CLCN6: variants seen among roughly 807,000 people sequenced by gnomAD.
CLCN6 encodes the protein Cl-/H+ antiporter 6, also known as H(+)/Cl(-) exchange transporter 6.
In CLCN6, 70 loss-of-function variants were observed where a neutral mutation model predicts 109.8. The ratio of observed to expected loss-of-function variants is 0.64; its 90% CI spans 0.53 to 0.78. The LOEUF (loss-of-function observed/expected upper bound fraction) is 0.78, where lower values mean the gene tolerates loss of function less well. Ranked by LOEUF, CLCN6 falls within the 30% of genes least tolerant of loss-of-function variation. CLCN6 has a pLI of 0.00. For synonymous variants in CLCN6, 444 were observed against 447.8 expected (o/e 0.99, Z 0.11); for missense variants, 984 against 1,142.3 (o/e 0.86, Z 2.00).
At position 11,840,207 on chromosome 1, in the gene CLCN6, A is replaced by G; in HGVS notation, c.2594A>G (p.His865Arg). 2 of 1,613,216 alleles carry G rather than the reference A, an allele frequency of 1.2e-6. No individual in the cohort carries two copies. The highest frequency in any genetic ancestry group is 1.7e-6 in the Non-Finnish European group (2 of 1,180,004). ...TTTCTGCAGGCCCGGCTGAGGCAGC[A>G]CTACCAGACCATCTGACAGCCCAGC... is the stretch of plus-strand genomic sequence containing the variant. ...YEFLQARLRQHYQTI is the reference protein window; with the variant it reads ...YEFLQARLRQRYQTI The change falls in exon 23 of 23, where the codon CAC (histidine) becomes CGC (arginine). Residue 865 changes from histidine to arginine, a missense_variant. By Grantham distance (29) the His-to-Arg change is conservative. Coordinates refer to ENST00000346436, the MANE Select transcript of CLCN6 (RefSeq NM_001286.5).
chr1:11,830,540 C>A (rs1457811413), intron 13 of CLCN6, among the ~76,000 whole-genome samples: 1 of 151,556 alleles, frequency 6.6e-6, no homozygotes, highest in South Asian at 2.1e-4. Context: ...CAAATATACA[C>A]CATTTTATAT....
Position 11,834,710 on chromosome 1 carries a change from C to T in CLCN6, c.1793+120C>T, listed in dbSNP as rs549179345. 1.9e-5 allele frequency: 16 copies of T among 856,226 alleles called. No individual in the cohort carries two copies. The African/African-American group carries it at 2.5e-4, about 13-fold the overall frequency. 53.0% of individuals were successfully genotyped at this position (856,226 alleles called of 1,614,324 possible). A position where few individuals can be genotyped will look rare whatever the true frequency, so the allele number is the denominator to read the frequency against. On this transcript the variant is annotated intron_variant, in intron 17 of 22. Transcript: ENST00000346436. The surrounding 1 kb of genome is among the most constrained non-coding windows in gnomAD (Gnocchi z 4.5). Reference sequence around the variant, plus strand: ...TTTTCTTGGGCTGAAAGAAGCAACACACCCATTCCTGAGCATGTGTGAGAA... The same window carrying T: ...TTTTCTTGGGCTGAAAGAAGCAACATACCCATTCCTGAGCATGTGTGAGAA...
Position 11,820,502 on chromosome 1 carries a change from C to T in CLCN6, c.346+948C>T. The T allele has an allele frequency of 8.0e-6, 5 of 626,730 alleles. No individual in the cohort carries two copies. The East Asian group carries it at 1.4e-4, about 18-fold the overall frequency. 38.8% of individuals were successfully genotyped at this position (626,730 alleles called of 1,614,324 possible). A position where few individuals can be genotyped will look rare whatever the true frequency, so the allele number is the denominator to read the frequency against. Reference sequence around the variant, plus strand: ...ATCAATGGGGCCGGACACAGTGGCTCACGCCTGTAATCCCAGCATTTTGGG... The same window carrying T: ...ATCAATGGGGCCGGACACAGTGGCTTACGCCTGTAATCCCAGCATTTTGGG... On this transcript the variant is annotated intron_variant, in intron 5 of 22. Coordinates refer to ENST00000346436, the MANE Select transcript of CLCN6 (RefSeq NM_001286.5).
intron 2 of CLCN6, among the ~76,000 whole-genome samples, chr1:11,814,899 G>A (rs1470037408): frequency 6.6e-6 from 1 of 152,044 alleles, no homozygotes; most frequent in Non-Finnish European, 1.5e-5. Flanking sequence ...CGGGCGTGTT[G>A]GCAGGCGCCT....
chr1:11,821,143 A>G (rs1165456281), intron 5 of CLCN6, among the ~76,000 whole-genome samples: 1 of 152,150 alleles, frequency 6.6e-6, no homozygotes, highest in African/African-American at 2.4e-5. Context: ...TACATATTGT[A>G]TTTATAAAGA....
chr1:11,832,537 G>A (rs866952671), intron 13 of CLCN6, among the ~76,000 whole-genome samples: 1 of 152,254 alleles, frequency 6.6e-6, no homozygotes, highest in African/African-American at 2.4e-5. Context: ...GGTGCTGCCA[G>A]TCAGCAGTGC....
intron 13 of CLCN6, 83 bp from the exon 14 acceptor site, chr1:11,833,431 TG>T: frequency 7.1e-7 from 1 of 1,403,772 alleles, no homozygotes; most frequent in African/African-American, 1.4e-5. Context: ...TGCAGCCACC[TG>T]TTTTGGACCC....
chr1:11,834,568 G>A lies in CLCN6; in HGVS notation c.1771G>A (p.Glu591Lys), dbSNP rs1320664581. Residue 591 changes from glutamate to lysine, a missense_variant, in exon 17 of 23, where the codon GAG becomes AAG. Transcript: ENST00000346436. The surrounding 1 kb of genome is among the most constrained non-coding windows in gnomAD (Gnocchi z 4.5). Reference protein sequence around the residue: ...GLRGVPLLEWETEVEMDKLRA... With the variant: ...GLRGVPLLEWKTEVEMDKLRA... ...GCGAGGCGTGCCGCTTCTGGAATGG[G>A]AGACAGAGGTGGAAATGGACAAGTA... is the stretch of plus-strand genomic sequence containing the variant. 3 of 1,614,116 alleles carry A rather than the reference G, an allele frequency of 1.9e-6. No individual in the cohort carries two copies. Among genetic ancestry groups the A allele is most frequent in the Admixed American group, 3.3e-5 (2 of 60,026 alleles).
chr1:11,840,177 A>ATGAAT lies in CLCN6; in HGVS notation c.2566_2570dup (p.Phe857LeufsTer8). 1 of 1,613,894 alleles carries ATGAAT rather than the reference A, an allele frequency of 6.2e-7. No individual in the cohort carries two copies. The highest frequency in any genetic ancestry group is 8.5e-7 in the Non-Finnish European group (1 of 1,180,030). The stretch of plus-strand genomic sequence containing the variant: ...ATCATCACACGGCACAACCTCACCT[A>ATGAAT]TGAATTTCTGCAGGCCCGGCTGAGG... On this transcript the variant is annotated frameshift_variant, in exon 23 of 23. Coordinates refer to ENST00000346436, the MANE Select transcript of CLCN6 (RefSeq NM_001286.5). LOFTEE classifies it high-confidence loss of function.
chr1:11,819,411 C>T (rs78366115), intron 4 of CLCN6, 77 bp from the exon 5 acceptor site: 63,722 of 1,355,420 alleles, frequency 0.047, 1,722 homozygotes, highest in Middle Eastern at 0.11. Flanking sequence ...GAGATGCCTT[C>T]AAGAGGAGCA....
intron 22 of CLCN6, 103 bp from the exon 23 acceptor site, chr1:11,840,040 G>A: frequency 1.1e-6 from 1 of 919,684 alleles, no homozygotes; most frequent in Non-Finnish European, 1.8e-6. Flanking sequence ...CACTATCCAG[G>A]CCTCCACATT....
Position 11,836,105 on chromosome 1 carries a change from G to A in CLCN6, c.1932G>A (p.Lys644=), listed in dbSNP as rs1418518174. The part of the protein sequence containing the change: ...PVVTENRGNE[K]EFMKGNQLIS... Reference sequence around the variant, plus strand: ...TCACAGAGAACCGCGGTAACGAGAAGGAGTTCATGAAGGGCAACCAGCTCA... The same window carrying A: ...TCACAGAGAACCGCGGTAACGAGAAAGAGTTCATGAAGGGCAACCAGCTCA... The change falls in exon 18 of 23, where the codon AAG becomes AAA. Residue 644 remains lysine, a synonymous_variant. Coordinates refer to ENST00000346436, the MANE Select transcript of CLCN6 (RefSeq NM_001286.5). 1.2e-6 allele frequency: 2 copies of A among 1,613,764 alleles called. No homozygotes were observed. Among genetic ancestry groups the A allele is most frequent in the Non-Finnish European group, 1.7e-6 (2 of 1,179,956 alleles).
intron 5 of CLCN6, among the ~76,000 whole-genome samples, chr1:11,821,051 G>GGGCA (rs1381462408): frequency 4.0e-5 from 6 of 150,284 alleles, no homozygotes; most frequent in East Asian, 1.9e-4. Context: ...ACTCCAGCCT[G>GGGCA]GGCAATGAGA....
chr1:11,842,898 C>CTGCAGTATTGATG lies in CLCN6; in HGVS notation c.*2686_*2698dup, dbSNP rs1553122599. The CTGCAGTATTGATG allele has an allele frequency of 1.3e-5, 2 of 152,282 alleles. No individual in the cohort carries two copies. The highest frequency in any genetic ancestry group is 2.9e-5 in the Non-Finnish European group (2 of 68,070). 9.4% of individuals were successfully genotyped at this position (152,282 alleles called of 1,614,324 possible). A position where few individuals can be genotyped will look rare whatever the true frequency, so the allele number is the denominator to read the frequency against. On this transcript the variant is annotated 3_prime_UTR_variant, in exon 23 of 23. Coordinates refer to ENST00000346436, the MANE Select transcript of CLCN6 (RefSeq NM_001286.5). ...GAGGCCCAAGGTGGCCTCGCCAGCC[C>CTGCAGTATTGATG]TGCAGTATTGATGTGCAGTATTGCA... is the stretch of plus-strand genomic sequence containing the variant.
chr1:11,831,588 C>T (rs1269055281), intron 13 of CLCN6, among the ~76,000 whole-genome samples: 1 of 152,194 alleles, frequency 6.6e-6, no homozygotes, highest in Non-Finnish European at 1.5e-5. Flanking sequence ...ACTAGTTATT[C>T]CCAAGCCTAG....
chr1:11,822,913 A>C, intron 6 of CLCN6, 112 bp downstream of exon 6: 1 of 727,786 alleles, frequency 1.4e-6, no homozygotes, highest in Non-Finnish European at 2.4e-6. Flanking sequence ...TCCTGCAGAA[A>C]GTGGCCTCTT....
At chr1:11,822,866 C>G in intron 6 of CLCN6, 65 bp downstream of exon 6, 5 of 997,806 alleles carry the variant, frequency 5.0e-6, no homozygotes, top group Non-Finnish European at 8.0e-6. Context: ...CTTTTCCCCA[C>G]CTCCTTCCAG....
At chr1:11,812,216 G>C (rs764464695) in intron 2 of CLCN6, among the ~76,000 whole-genome samples, 1 of 152,186 alleles carries the variant, frequency 6.6e-6, no homozygotes, top group Non-Finnish European at 1.5e-5. Context: ...TTGCTAGAGC[G>C]GGTCAGAAAA....
intron 10 of CLCN6, among the ~76,000 whole-genome samples, chr1:11,827,453 T>TTTTTTTTA (rs1644828432): frequency 1.4e-5 from 2 of 147,064 alleles, no homozygotes; most frequent in Non-Finnish European, 1.5e-5. Context: ...TTTTTTTTTT[T>TTTTTTTTA]GAGATGGAGT....
Sources: allele counts gnomAD v4.1 joint callset (sites outside exome capture counted in the v4.1 genomes callset), GRCh38; gene constraint gnomAD v4.1.1; non-coding constraint Gnocchi (gnomAD v3.1); transcripts MANE v1.5; gene names NCBI Gene and HGNC (gene_info 2026-07-23, HGNC 2026-07-21).